TUT4: variants seen among roughly 807,000 people sequenced by gnomAD.
The protein encoded by TUT4 is terminal uridylyltransferase 4.
TUT4 carries 36 observed loss-of-function variants against 192.2 expected under a neutral mutation model. The observed-to-expected ratio is 0.19, with a 90% CI of 0.14 to 0.25. The LOEUF (loss-of-function observed/expected upper bound fraction) is 0.25. Among genes scored for constraint, TUT4 ranks in the 10% least tolerant of loss-of-function variants. TUT4 has a pLI of 1.00. For missense variants in TUT4, 1,493 were observed against 1,957.2 expected, an observed-to-expected ratio of 0.76 and a Z score of 4.47; for synonymous variants, 618 against 666.0, an observed-to-expected ratio of 0.93 and a Z score of 1.11.
chr1:52,536,670 T>C (rs1172910932), intron 1 of TUT4, among the ~76,000 whole-genome samples: 1 of 150,038 alleles, frequency 6.7e-6, no homozygotes, highest in Non-Finnish European at 1.5e-5. Context: ...CTGGAGAACA[T>C]GGTGAAACCC....
At chr1:52,551,488 T>C (rs1049652935) in intron 1 of TUT4, among the ~76,000 whole-genome samples, 2 of 152,224 alleles carry the variant, frequency 1.3e-5, no homozygotes, top group African/African-American at 4.8e-5. Context: ...CCAAAGTATA[T>C]GGTTTCTAAG....
At chr1:52,535,301 T>C (rs963379118) in intron 1 of TUT4, among the ~76,000 whole-genome samples, 1 of 152,158 alleles carries the variant, frequency 6.6e-6, no homozygotes, top group Non-Finnish European at 1.5e-5. Context: ...ACCTTTCTTT[T>C]TGTTCTCCTT....
Position 52,502,720 on chromosome 1 carries a change from T to C in TUT4, c.1000-5537A>G, listed in dbSNP as rs571620711. Among the ~76,000 whole-genome samples, 5 of 142,962 alleles carry C rather than the reference T, an allele frequency of 3.5e-5. No individual in the cohort carries two copies. In the South Asian group the frequency reaches 1.2e-3, roughly 33 times the overall value. 93.8% of individuals were successfully genotyped at this position (142,962 alleles called of 152,430 possible). A position where few individuals can be genotyped will look rare whatever the true frequency, so the allele number is the denominator to read the frequency against. The stretch of plus-strand genomic sequence containing the variant: ...CTCACTGCAATCTCCACCTCCCAGA[T>C]ACAAGCGCTCCTCCACCTAAGCCTC... On this transcript the variant is annotated intron_variant, in intron 4 of 29. Transcript: ENST00000257177.
Position 52,531,355 on chromosome 1 carries a change from TG to T in TUT4, c.-93-4983del, listed in dbSNP as rs369717268. On this transcript the variant is annotated intron_variant, in intron 1 of 29. Coordinates refer to ENST00000257177, the MANE Select transcript of TUT4 (RefSeq NM_001009881.3). ...ATCCTCCCAGCTGATGTGGCTGGAC[TG>T]GGGGGCCACACTTAATGAACCATGG... Among the ~76,000 whole-genome samples the T allele has an allele frequency of 1.1e-4, 16 of 152,134 alleles. No individual in the cohort carries two copies. The South Asian group carries it at 2.7e-3, about 26-fold the overall frequency.
At position 52,436,927 on chromosome 1, in the gene TUT4, C is replaced by G. The variant is rs772412739; in HGVS notation, c.3990G>C (p.Gly1330=). 1 of 1,613,940 alleles carries G rather than the reference C, an allele frequency of 6.2e-7. No individual in the cohort carries two copies. Among genetic ancestry groups the G allele is most frequent in the Non-Finnish European group, 8.5e-7 (1 of 1,179,976 alleles). Residue 1330 remains glycine, a synonymous_variant, in exon 26 of 30, where the codon GGG becomes GGC. Coordinates refer to ENST00000257177, the MANE Select transcript of TUT4 (RefSeq NM_001009881.3). ...CTCGGGAATCTTTCTCTTCTTCATTCCCTTCCTTCTCTTCTTCACTGTCTT... is the reference window on the plus strand; with the variant it reads ...CTCGGGAATCTTTCTCTTCTTCATTGCCTTCCTTCTCTTCTTCACTGTCTT... ...KKKDSEEEKE[G]NEEEKDSRDV... is the part of the protein sequence containing the mutation.
At chr1:52,466,678 A>ATTTTT (rs1215504188) in intron 15 of TUT4, among the ~76,000 whole-genome samples, 1 of 136,256 alleles carries the variant, frequency 7.3e-6, no homozygotes, top group African/African-American at 3.1e-5. Flanking sequence ...ATATATATAT[A>ATTTTT]TATATTTTTG....
intron 1 of TUT4, among the ~76,000 whole-genome samples, chr1:52,537,090 G>A (rs1264991813): frequency 6.6e-6 from 1 of 152,088 alleles, no homozygotes; most frequent in Non-Finnish European, 1.5e-5. Context: ...AACCCAGGAG[G>A]CGGAGGTTGC....
chr1:52,435,504 A>C, intron 26 of TUT4, 39 bp from the exon 27 acceptor site: 2 of 1,471,730 alleles, frequency 1.4e-6, no homozygotes, highest in Non-Finnish European at 1.9e-6. Context: ...ACAGATAAGG[A>C]AAGTAGCAGA....
chr1:52,545,330 T>A (rs1266476390), intron 1 of TUT4, among the ~76,000 whole-genome samples: 1 of 151,286 alleles, frequency 6.6e-6, no homozygotes, highest in South Asian at 2.1e-4. Context: ...TGAGCCAAGA[T>A]TGCGCCACTG....
At chr1:52,453,957 T>C (rs1660155407) in intron 20 of TUT4, among the ~76,000 whole-genome samples, 1 of 152,174 alleles carries the variant, frequency 6.6e-6, no homozygotes, top group South Asian at 2.1e-4. Flanking sequence ...GAATTTGAAA[T>C]TAGAAATACA....
intron 12 of TUT4, among the ~76,000 whole-genome samples, chr1:52,477,340 T>C (rs1329794274): frequency 2.6e-5 from 4 of 152,034 alleles, no homozygotes; most frequent in Non-Finnish European, 5.9e-5. Flanking sequence ...GGGAGACCAA[T>C]GCAGGAGGAT....
chr1:52,441,509 G>C (rs567364705), intron 24 of TUT4, among the ~76,000 whole-genome samples: 5 of 143,456 alleles, frequency 3.5e-5, no homozygotes, highest in African/African-American at 1.3e-4. Flanking sequence ...TGACCAGGCT[G>C]GTCTCCAACT....
At chr1:52,484,002 T>A (rs1669153203) in intron 9 of TUT4, among the ~76,000 whole-genome samples, 1 of 151,528 alleles carries the variant, frequency 6.6e-6, no homozygotes, top group Non-Finnish European at 1.5e-5. Context: ...AATTGAAAAA[T>A]TTGTTAAACG....
intron 28 of TUT4, among the ~76,000 whole-genome samples, chr1:52,427,114 CAAAA>C (rs1366189634): frequency 6.6e-6 from 1 of 151,934 alleles, no homozygotes; most frequent in East Asian, 1.9e-4. Context: ...AAATGACAGA[CAAAA>C]AACAATTTTT....
chr1:52,526,144 T>A lies in TUT4; in HGVS notation c.137A>T (p.Glu46Val). The A allele has an allele frequency of 6.2e-7, 1 of 1,613,024 alleles. No individual in the cohort carries two copies. Among genetic ancestry groups the A allele is most frequent in the Admixed American group, 1.7e-5 (1 of 59,902 alleles). ...ARNDKSVKEI[E>V]NSSPNRNSSK... Reference sequence around the variant, plus strand: ...ACTATTCCTATTTGGAGAGCTGTTCTCAATTTCTTTTACGGATTTATCATT... The same window carrying A: ...ACTATTCCTATTTGGAGAGCTGTTCACAATTTCTTTTACGGATTTATCATT... The change falls in exon 2 of 30, where the codon GAG (glutamate) becomes GTG (valine). Residue 46 changes from glutamate (E) to valine (V), a missense_variant. Coordinates refer to ENST00000257177, the MANE Select transcript of TUT4 (RefSeq NM_001009881.3).
intron 2 of TUT4, among the ~76,000 whole-genome samples, chr1:52,524,735 G>A (rs376971503): frequency 1.3e-5 from 2 of 152,146 alleles, no homozygotes; most frequent in East Asian, 1.9e-4. Context: ...CCTGGGAGGC[G>A]GAGGTTGCAG....
chr1:52,444,008 CAGGTGGATCATG>C (rs1436818106), intron 24 of TUT4, among the ~76,000 whole-genome samples: 1 of 152,150 alleles, frequency 6.6e-6, no homozygotes, highest in East Asian at 1.9e-4. Flanking sequence ...GAGGCCAAGG[CAGGTGGATCATG>C]AGGTCAGGAG....
intron 16 of TUT4, among the ~76,000 whole-genome samples, chr1:52,463,978 A>G (rs1663349113): frequency 6.6e-6 from 1 of 152,136 alleles, no homozygotes; most frequent in Non-Finnish European, 1.5e-5. Flanking sequence ...AGTGAGATAC[A>G]ATGGAAAGAG....
intron 28 of TUT4, 85 bp downstream of exon 28, chr1:52,430,927 TC>T: frequency 2.1e-6 from 3 of 1,422,464 alleles, no homozygotes; most frequent in Non-Finnish European, 2.8e-6. Context: ...AATACTGCTT[TC>T]CTTCTTTTTC....
Sources: allele counts gnomAD v4.1 joint callset (sites outside exome capture counted in the v4.1 genomes callset), GRCh38; gene constraint gnomAD v4.1.1; transcripts MANE v1.5; gene names NCBI Gene and HGNC (gene_info 2026-07-23, HGNC 2026-07-21).